PHF24: variants seen among roughly 807,000 people sequenced by gnomAD.
PHF24 encodes the protein PHD finger protein 24, also known as Galpha inhibitory interacting protein.
PHF24 carries 25 observed loss-of-function variants against 42.6 expected under a neutral mutation model. The observed-to-expected ratio is 0.59, with a 90% CI of 0.43 to 0.82. PHF24 has a LOEUF of 0.82. PHF24 is among the 40% of genes least tolerant of loss of function. The pLI is 0.00. For missense variants in PHF24, 470 were observed against 538.1 expected (o/e 0.87, Z 1.25); for synonymous variants, 185 against 204.8 (o/e 0.90, Z 0.83).
At chr9:34,730,213 G>T in the PHF24 span, among the ~76,000 whole-genome samples, 1 of 151,896 alleles carries the variant, frequency 6.6e-6, no homozygotes, top group East Asian at 1.9e-4. Flanking sequence ...TGTTTTTTTT[G>T]TTTGTTTGTT....
At chr9:34,859,790 T>C in the PHF24 span, among the ~76,000 whole-genome samples, 1 of 152,228 alleles carries the variant, frequency 6.6e-6, no homozygotes, top group South Asian at 2.1e-4. Context: ...CTTTACCCAG[T>C]GTCCCATTTA....
chr9:34,805,000 A>G, the PHF24 span, among the ~76,000 whole-genome samples: 2 of 152,138 alleles, frequency 1.3e-5, no homozygotes, highest in Non-Finnish European at 2.9e-5. Context: ...TTCACTTAGC[A>G]TTATGTTTTC....
the PHF24 span, among the ~76,000 whole-genome samples, chr9:34,891,514 C>T: frequency 6.6e-6 from 1 of 152,172 alleles, no homozygotes; most frequent in Non-Finnish European, 1.5e-5. Context: ...CTGGGAAGAC[C>T]CACATAGGTC....
At chr9:34,753,099 G>C in the PHF24 span, among the ~76,000 whole-genome samples, 5 of 152,052 alleles carry the variant, frequency 3.3e-5, no homozygotes, top group South Asian at 8.3e-4. Context: ...AAAACAAAAA[G>C]CCTTTCCTCT....
At chr9:34,903,233 A>G in the PHF24 span, among the ~76,000 whole-genome samples, 1 of 152,244 alleles carries the variant, frequency 6.6e-6, no homozygotes, top group Admixed American at 6.5e-5. Context: ...CAGAATGATT[A>G]TAAATAAGCT....
the PHF24 span, among the ~76,000 whole-genome samples, chr9:34,894,280 G>GC: frequency 9.9e-3 from 1,512 of 152,166 alleles, 27 homozygotes; most frequent in African/African-American, 0.035. Context: ...GTCTGGCCCA[G>GC]CCCCCCTGCC....
chr9:34,955,443 G>A (rs1184683584), upstream of PHF24, among the ~76,000 whole-genome samples: 1 of 152,072 alleles, frequency 6.6e-6, no homozygotes, highest in Non-Finnish European at 1.5e-5. Flanking sequence ...TTGGGAAGTC[G>A]AGGCAGGGAG....
At chr9:34,816,761 A>C in the PHF24 span, among the ~76,000 whole-genome samples, 1 of 152,232 alleles carries the variant, frequency 6.6e-6, no homozygotes, top group Non-Finnish European at 1.5e-5. Context: ...CATAGCAATA[A>C]GTTTCTTGCA....
the PHF24 span, among the ~76,000 whole-genome samples, chr9:34,756,323 T>C: frequency 2.2e-4 from 34 of 152,242 alleles, no homozygotes; most frequent in African/African-American, 7.7e-4. Flanking sequence ...GGTCCCGAAC[T>C]CCCGACCTCA....
the PHF24 span, among the ~76,000 whole-genome samples, chr9:34,696,448 A>G: frequency 8.1e-5 from 12 of 147,306 alleles, no homozygotes; most frequent in African/African-American, 2.8e-4. Context: ...AGATCATGCC[A>G]TTGCACTCCA....
the PHF24 span, chr9:34,709,763 T>G: frequency 6.2e-7 from 1 of 1,614,072 alleles, no homozygotes; most frequent in East Asian, 2.2e-5. Flanking sequence ...ACCCACCCCT[T>G]TGTGTCCACT....
chr9:34,680,485 G>A, the PHF24 span, among the ~76,000 whole-genome samples: 25 of 151,582 alleles, frequency 1.6e-4, no homozygotes, highest in Admixed American at 1.6e-3. Context: ...TCAGGAGATC[G>A]AGACCATCCT....
the PHF24 span, among the ~76,000 whole-genome samples, chr9:34,886,989 T>G: frequency 6.6e-6 from 1 of 152,158 alleles, no homozygotes; most frequent in Non-Finnish European, 1.5e-5. Context: ...TGTGAACTCC[T>G]GACTCCCCTT....
chr9:34,914,916 C>T, the PHF24 span, among the ~76,000 whole-genome samples: 2 of 145,734 alleles, frequency 1.4e-5, no homozygotes, highest in East Asian at 2.0e-4. Context: ...CCCCTGAGTA[C>T]CTGGGACTAC....
At chr9:34,727,944 A>T in the PHF24 span, 2 of 1,331,694 alleles carry the variant, frequency 1.5e-6, no homozygotes, top group Non-Finnish European at 2.1e-6. Context: ...CTTTCTCCTT[A>T]GTCCTGCCCC....
Position 34,977,528 on chromosome 9 carries a change from T to C in PHF24, c.1011-18T>C. On this transcript the variant is annotated intron_variant, in intron 6 of 7. Transcript: ENST00000242315. The stretch of plus-strand genomic sequence containing the variant: ...TTTCACTATCCCACTCCTAACCACG[T>C]GTCCTCATGCCCAGCAGCATCAGCC... 1 of 1,597,804 alleles carries C rather than the reference T, an allele frequency of 6.3e-7. No individual in the cohort carries two copies. Among genetic ancestry groups the C allele is most frequent in the South Asian group, 1.1e-5 (1 of 88,474 alleles).
chr9:34,952,061 T>G, the PHF24 span, among the ~76,000 whole-genome samples: 3 of 152,174 alleles, frequency 2.0e-5, no homozygotes, highest in South Asian at 6.2e-4. Flanking sequence ...GAAAAAGAAA[T>G]AAAAAGCATA....
rs558176421 is a variant in PHF24 at position 34,977,033 on chromosome 9, G to A, written c.850-50G>A. 446 of 1,528,632 alleles carry A rather than the reference G, an allele frequency of 2.9e-4. 1 individual carries two copies. Among genetic ancestry groups the A allele is most frequent in the Non-Finnish European group, 1.5e-4 (168 of 1,134,996 alleles). 94.7% of individuals were successfully genotyped at this position (1,528,632 alleles called of 1,614,324 possible). A position where few individuals can be genotyped will look rare whatever the true frequency, so the allele number is the denominator to read the frequency against. ...TGGAGATAGGATTCTCTATGGCTTGGCAGTTTACAAGATATCTTCACCTCT... is the reference window on the plus strand; with the variant it reads ...TGGAGATAGGATTCTCTATGGCTTGACAGTTTACAAGATATCTTCACCTCT... On this transcript the variant is annotated intron_variant, in intron 5 of 7. Transcript: ENST00000242315.
chr9:34,953,430 A>T (rs1228752288), upstream of PHF24, among the ~76,000 whole-genome samples: 3 of 152,216 alleles, frequency 2.0e-5, no homozygotes, highest in African/African-American at 7.2e-5. The surrounding 1 kb of genome is among the most constrained non-coding windows in gnomAD (Gnocchi z 4.1). Context: ...GAGTCACCGC[A>T]TCCAGCCTTA....
Sources: gnomAD v4.1 joint callset for allele counts (sites outside exome capture counted in the v4.1 genomes callset) on GRCh38, gnomAD v4.1.1 for gene constraint, Gnocchi (gnomAD v3.1) non-coding constraint, MANE v1.5 for transcripts, NCBI Gene and HGNC (gene_info 2026-07-23, HGNC 2026-07-21) for gene names.